CDH13: variants seen among roughly 807,000 people sequenced by gnomAD.
CDH13 encodes cadherin-13.
Under a neutral mutation model 63.8 loss-of-function variants are expected in CDH13, and 24 were observed. That is an observed-to-expected ratio of 0.38 (90% CI 0.27 to 0.53). The LOEUF is 0.53. Among genes scored for constraint, CDH13 ranks in the 20% least tolerant of loss-of-function variants. The pLI, the probability that CDH13 is intolerant of heterozygous loss-of-function variation, is 0.85. For missense variants in CDH13, 1,049 were observed against 903.1 expected (o/e 1.16, Z -2.07); for synonymous variants, 503 against 355.3 (o/e 1.42, Z -4.67).
In CDH13 at chr16:83,588,842, G is replaced by C. The variant is rs72793495; in HGVS notation, c.961-13612G>C. 3.8e-3 allele frequency among the ~76,000 whole-genome samples: 585 copies of C among 152,318 alleles called. 2 individuals carry two copies. Among genetic ancestry groups the C allele is most frequent in the Non-Finnish European group, 6.5e-3 (440 of 68,030 alleles). ...AGGCCCCCTGGGAAGCTGGCAGGTGGGCGAGGAATGAGGTGCGGCTGGTGA... is the reference window on the plus strand; with the variant it reads ...AGGCCCCCTGGGAAGCTGGCAGGTGCGCGAGGAATGAGGTGCGGCTGGTGA... On this transcript the variant is annotated intron_variant, in intron 7 of 13. Coordinates refer to ENST00000567109, the MANE Select transcript of CDH13 (RefSeq NM_001257.5).
chr16:82,983,340 C>G (rs1341166069), intron 2 of CDH13, among the ~76,000 whole-genome samples: 1 of 152,092 alleles, frequency 6.6e-6, no homozygotes, highest in Admixed American at 6.6e-5. Context: ...TTTTTCTCAC[C>G]CGGCTGTTTC....
At chr16:82,627,338 G>T (rs550464673) in intron 1 of CDH13, among the ~76,000 whole-genome samples, 5 of 1,858 alleles carry the variant, frequency 2.7e-3, no homozygotes, top group African/African-American at 3.8e-3. Context: ...TCTGGCGTGC[G>T]TGTGTGTGTG....
intron 1 of CDH13, among the ~76,000 whole-genome samples, chr16:82,795,778 G>A (rs181885488): frequency 2.0e-4 from 31 of 152,230 alleles, no homozygotes; most frequent in Admixed American, 1.8e-3. Context: ...TAGTGGTGCA[G>A]TGACCCTTCT....
At chr16:83,141,282 G>T (rs1417996406) in intron 4 of CDH13, among the ~76,000 whole-genome samples, 1 of 152,044 alleles carries the variant, frequency 6.6e-6, no homozygotes, top group Non-Finnish European at 1.5e-5. Flanking sequence ...CCCTCACTCT[G>T]GTGCCCTTTT....
At chr16:83,514,132 C>T (rs78772716) in intron 7 of CDH13, among the ~76,000 whole-genome samples, 3,475 of 152,248 alleles carry the variant, frequency 0.023, 139 homozygotes, top group African/African-American at 0.078. Context: ...ACAGGCCCTG[C>T]TCTTTGTTCT....
chr16:83,475,093 A>G (rs922827995), intron 6 of CDH13, among the ~76,000 whole-genome samples: 36 of 152,230 alleles, frequency 2.4e-4, no homozygotes, highest in Non-Finnish European at 4.0e-4. Context: ...AGCCCATTGT[A>G]AAATGAAAAC....
intron 5 of CDH13, among the ~76,000 whole-genome samples, chr16:83,247,885 C>G (rs2151821678): frequency 6.6e-6 from 1 of 152,302 alleles, no homozygotes; most frequent in East Asian, 1.9e-4. Flanking sequence ...ACAGATGATT[C>G]TTCAAAGAGA....
At chr16:83,562,972 C>A (rs554359080) in intron 7 of CDH13, among the ~76,000 whole-genome samples, 26 of 152,298 alleles carry the variant, frequency 1.7e-4, no homozygotes, top group African/African-American at 6.0e-4. Flanking sequence ...AGGGACAAGT[C>A]CCCTTTGGAT....
At chr16:83,471,859 G>A (rs1037329376) in intron 6 of CDH13, among the ~76,000 whole-genome samples, 2 of 152,072 alleles carry the variant, frequency 1.3e-5, no homozygotes, top group Non-Finnish European at 2.9e-5. Flanking sequence ...GGAGACCTTG[G>A]GATATTGTTG....
chr16:83,564,882 C>A (rs2075766157), intron 7 of CDH13, among the ~76,000 whole-genome samples: 1 of 152,144 alleles, frequency 6.6e-6, no homozygotes, highest in Non-Finnish European at 1.5e-5. Flanking sequence ...TTGTCTGAGT[C>A]CTGCAGTAAA....
intron 7 of CDH13, among the ~76,000 whole-genome samples, chr16:83,560,901 C>CT (rs995405698): frequency 7.2e-6 from 1 of 139,352 alleles, no homozygotes; most frequent in Non-Finnish European, 1.5e-5. Flanking sequence ...TAAGGTTGGC[C>CT]CCCCCCCCGC....
At chr16:82,675,406 G>A (rs1913780633) in intron 1 of CDH13, among the ~76,000 whole-genome samples, 1 of 152,150 alleles carries the variant, frequency 6.6e-6, no homozygotes, top group Admixed American at 6.5e-5. Context: ...CTGATGGAAG[G>A]AGGAAATTGG....
intron 2 of CDH13, among the ~76,000 whole-genome samples, chr16:82,873,391 C>G (rs1177317338): frequency 6.6e-6 from 1 of 152,148 alleles, no homozygotes; most frequent in Non-Finnish European, 1.5e-5. Context: ...GACTCCAAAC[C>G]CCATTATCTT....
chr16:83,084,816 A>T (rs1300330073), intron 3 of CDH13, among the ~76,000 whole-genome samples: 1 of 152,208 alleles, frequency 6.6e-6, no homozygotes, highest in Non-Finnish European at 1.5e-5. Context: ...TGAACCCAGG[A>T]GGCAGAGGTT....
At chr16:83,086,061 G>A (rs1420990453) in intron 3 of CDH13, among the ~76,000 whole-genome samples, 2 of 152,144 alleles carry the variant, frequency 1.3e-5, no homozygotes, top group South Asian at 4.1e-4. Flanking sequence ...AACAAACAAG[G>A]CACCAGGGCC....
chr16:83,582,756 A>T (rs1282852219), intron 7 of CDH13, among the ~76,000 whole-genome samples: 1 of 152,190 alleles, frequency 6.6e-6, no homozygotes, highest in Non-Finnish European at 1.5e-5. Context: ...GAGCTTCCTG[A>T]AGACTGAGCT....
At chr16:83,434,238 C>T (rs2072215328) in intron 6 of CDH13, among the ~76,000 whole-genome samples, 1 of 152,152 alleles carries the variant, frequency 6.6e-6, no homozygotes. Context: ...CCATTAGGGC[C>T]AGGTCATGGT....
intron 10 of CDH13, among the ~76,000 whole-genome samples, chr16:83,720,899 T>C (rs574375709): frequency 8.3e-4 from 126 of 152,324 alleles, no homozygotes; most frequent in Non-Finnish European, 1.3e-3. Flanking sequence ...GTTATAACTG[T>C]GCCTGAAATG....
intron 3 of CDH13, among the ~76,000 whole-genome samples, chr16:83,065,729 C>A (rs199621468): frequency 3.0e-4 from 43 of 144,984 alleles, no homozygotes; most frequent in East Asian, 2.8e-3. Context: ...AACAAAAAAA[C>A]AAAAAAAAAA....
Sources: allele counts gnomAD v4.1 joint callset (sites outside exome capture counted in the v4.1 genomes callset), GRCh38; gene constraint gnomAD v4.1.1; transcripts MANE v1.5; gene names NCBI Gene and HGNC (gene_info 2026-07-23, HGNC 2026-07-21).